CNTNAP2: variants seen among roughly 807,000 people sequenced by gnomAD.
CNTNAP2 encodes the protein contactin-associated protein-like 2.
CNTNAP2 carries 98 observed loss-of-function variants against 155.2 expected under a neutral mutation model. The observed-to-expected ratio is 0.63, with a 90% CI of 0.54 to 0.75. The LOEUF is 0.75. Among genes scored for constraint, CNTNAP2 ranks in the 30% least tolerant of loss-of-function variants. The pLI is 0.00. For synonymous variants in CNTNAP2, 651 were observed against 631.2 expected (o/e 1.03, Z -0.47); for missense variants, 1,727 against 1,688.1 (o/e 1.02, Z -0.40).
chr7:146,737,549 C>A (rs2129180505), intron 1 of CNTNAP2, among the ~76,000 whole-genome samples: 1 of 152,104 alleles, frequency 6.6e-6, no homozygotes, highest in African/African-American at 2.4e-5. Flanking sequence ...CATAAAGTGC[C>A]TTATGTACAG....
At chr7:147,341,785 CA>C (rs1795768785) in intron 9 of CNTNAP2, among the ~76,000 whole-genome samples, 1 of 151,572 alleles carries the variant, frequency 6.6e-6, no homozygotes, top group African/African-American at 2.4e-5. Context: ...CACACACACA[CA>C]CACACACACA....
chr7:147,919,459 C>CTTTTTTTTTTTTTTTTTTTTTT (rs796710849), intron 14 of CNTNAP2, among the ~76,000 whole-genome samples: 5 of 51,218 alleles, frequency 9.8e-5, no homozygotes, highest in Non-Finnish European at 1.3e-4. Context: ...CTTTTTCTTT[C>CTTTTTTTTTTTTTTTTTTTTTT]TTTTTTTTTT....
chr7:147,087,132 T>C (rs997422265), intron 4 of CNTNAP2, among the ~76,000 whole-genome samples: 1 of 152,196 alleles, frequency 6.6e-6, no homozygotes, highest in African/African-American at 2.4e-5. Flanking sequence ...GTCTTTTTAT[T>C]AACCGTTCTC....
chr7:146,334,713 T>G (rs950744226), intron 1 of CNTNAP2, among the ~76,000 whole-genome samples: 15 of 152,226 alleles, frequency 9.9e-5, no homozygotes, highest in Non-Finnish European at 1.8e-4. Flanking sequence ...GCTCCTCCTC[T>G]GCAAGTGTAA....
intron 3 of CNTNAP2, among the ~76,000 whole-genome samples, chr7:146,904,470 C>G (rs1050316335): frequency 1.3e-5 from 2 of 151,994 alleles, no homozygotes; most frequent in East Asian, 1.9e-4. Flanking sequence ...GAGAATTCAT[C>G]TTTGTTTGTT....
chr7:146,337,084 A>G (rs1801289277), intron 1 of CNTNAP2, among the ~76,000 whole-genome samples: 1 of 152,206 alleles, frequency 6.6e-6, no homozygotes, highest in Non-Finnish European at 1.5e-5. Context: ...AGTGTGCTAT[A>G]GTTACGTTAA....
At chr7:147,658,547 G>C (rs1217859502) in intron 13 of CNTNAP2, among the ~76,000 whole-genome samples, 2 of 152,184 alleles carry the variant, frequency 1.3e-5, no homozygotes, top group African/African-American at 4.8e-5. Context: ...TAATGAAAAA[G>C]TGTATTGCTG....
intron 6 of CNTNAP2, chr7:147,121,765 A>T (rs1015520486): frequency 2.6e-5 from 4 of 152,322 alleles, no homozygotes; most frequent in African/African-American, 9.6e-5. Flanking sequence ...GTTTATATAA[A>T]TAAAAATATA....
At chr7:146,442,204 T>A (rs1796329444) in intron 1 of CNTNAP2, among the ~76,000 whole-genome samples, 1 of 151,702 alleles carries the variant, frequency 6.6e-6, no homozygotes, top group Non-Finnish European at 1.5e-5. Flanking sequence ...TTATTTTTCT[T>A]TTACACTTTA....
chr7:146,552,163 C>T lies in CNTNAP2; in HGVS notation c.98-222108C>T, dbSNP rs576052220. 5.9e-5 allele frequency among the ~76,000 whole-genome samples: 9 copies of T among 152,156 alleles called. No homozygotes were observed. In the South Asian group the frequency reaches 1.5e-3, roughly 25 times the overall value. On this transcript the variant is annotated intron_variant, in intron 1 of 23. Transcript: ENST00000361727. ...AACTATTATTATATATTCATTATAG[C>T]TTTATCATGCCTAAATACTATTGTA...
chr7:147,729,428 G>A (rs73741894), intron 13 of CNTNAP2, among the ~76,000 whole-genome samples: 14 of 149,306 alleles, frequency 9.4e-5, no homozygotes, highest in African/African-American at 2.7e-4. Flanking sequence ...ACACACACAC[G>A]CACACACACA....
At chr7:147,936,457 AT>A (rs1329388297) in intron 14 of CNTNAP2, among the ~76,000 whole-genome samples, 2 of 152,146 alleles carry the variant, frequency 1.3e-5, no homozygotes, top group Non-Finnish European at 2.9e-5. Flanking sequence ...AAAGGAGAGT[AT>A]TTTTGTATCT....
At chr7:148,148,280 A>T (rs1805233294) in intron 17 of CNTNAP2, among the ~76,000 whole-genome samples, 1 of 152,230 alleles carries the variant, frequency 6.6e-6, no homozygotes, top group Admixed American at 6.5e-5. Flanking sequence ...TACCTATGCA[A>T]GAAGTGGATC....
intron 1 of CNTNAP2, among the ~76,000 whole-genome samples, chr7:146,244,437 G>A (rs1290860537): frequency 6.6e-6 from 1 of 152,118 alleles, no homozygotes; most frequent in African/African-American, 2.4e-5. Context: ...GAATGAGACT[G>A]GGGCCTAATA....
intron 13 of CNTNAP2, among the ~76,000 whole-genome samples, chr7:147,676,481 C>T (rs986902204): frequency 1.3e-5 from 2 of 151,966 alleles, no homozygotes; most frequent in African/African-American, 2.4e-5. Context: ...AGGTAACTAA[C>T]ATATGCACTG....
intron 1 of CNTNAP2, among the ~76,000 whole-genome samples, chr7:146,603,661 G>T (rs1798989574): frequency 6.6e-6 from 1 of 151,086 alleles, no homozygotes; most frequent in South Asian, 2.1e-4. Flanking sequence ...CACACTACCT[G>T]ACTTCAAACT....
intron 12 of CNTNAP2, among the ~76,000 whole-genome samples, chr7:147,607,715 A>AT: frequency 1.3e-5 from 2 of 152,206 alleles, no homozygotes; most frequent in South Asian, 4.1e-4. Context: ...TCAATTGTAT[A>AT]TTTTCTGCTG....
At position 146,846,765 on chromosome 7, in the gene CNTNAP2, T is replaced by C. The variant is rs1423112333; in HGVS notation, c.402+6861T>C. Among the ~76,000 whole-genome samples the C allele has an allele frequency of 2.6e-5, 4 of 152,252 alleles. No individual in the cohort carries two copies. In the East Asian group the frequency reaches 5.8e-4, roughly 22 times the overall value. The stretch of plus-strand genomic sequence containing the variant: ...TAAAAATAAGATGCTGTTGATAATA[T>C]TGAATATATTATTGGCATATATTAT... On this transcript the variant is annotated intron_variant, in intron 3 of 23. Transcript: ENST00000361727.
intron 1 of CNTNAP2, among the ~76,000 whole-genome samples, chr7:146,297,768 T>C (rs1437062475): frequency 6.6e-6 from 1 of 152,186 alleles, no homozygotes; most frequent in Non-Finnish European, 1.5e-5. Context: ...ATACCTTCTA[T>C]AAATAAGCAC....
Sources: allele counts gnomAD v4.1 joint callset (sites outside exome capture counted in the v4.1 genomes callset), GRCh38; gene constraint gnomAD v4.1.1; transcripts MANE v1.5; gene names NCBI Gene and HGNC (gene_info 2026-07-23, HGNC 2026-07-21).